DGKB: variants seen among roughly 807,000 people sequenced by gnomAD.
DGKB encodes the protein 90 kDa diacylglycerol kinase.
Under a neutral mutation model 114.3 loss-of-function variants are expected in DGKB, and 67 were observed. That is an observed-to-expected ratio of 0.59 (90% CI 0.48 to 0.72). The LOEUF (loss-of-function observed/expected upper bound fraction) is 0.72, where lower values mean the gene tolerates loss of function less well. DGKB is among the 30% of genes least tolerant of loss of function. The probability of loss-of-function intolerance (pLI) is 0.00; values close to 1 mark genes in which losing one functional copy is unlikely to be tolerated. For missense variants in DGKB, 907 were observed against 975.2 expected, an observed-to-expected ratio of 0.93 and a Z score of 0.93; for synonymous variants, 398 against 323.1, an observed-to-expected ratio of 1.23 and a Z score of -2.49.
chr7:14,175,567 A>T (rs542511268), intron 25 of DGKB, among the ~76,000 whole-genome samples: 1 of 152,150 alleles, frequency 6.6e-6, no homozygotes, highest in Non-Finnish European at 1.5e-5. Flanking sequence ...GGATAGACCA[A>T]TCTCTCAGTT....
At chr7:14,705,019 C>T (rs933601183) in intron 6 of DGKB, among the ~76,000 whole-genome samples, 4 of 150,554 alleles carry the variant, frequency 2.7e-5, no homozygotes, top group Non-Finnish European at 4.5e-5. Flanking sequence ...TCAAATTACT[C>T]TGAGCTACGG....
chr7:14,401,744 C>T (rs1823135579), intron 21 of DGKB, among the ~76,000 whole-genome samples: 1 of 151,582 alleles, frequency 6.6e-6, no homozygotes, highest in Non-Finnish European at 1.5e-5. Flanking sequence ...TATAGTTAAC[C>T]AATTCACCCT....
intron 1 of DGKB, among the ~76,000 whole-genome samples, chr7:14,929,724 A>G (rs942003894): frequency 6.6e-6 from 1 of 152,004 alleles, no homozygotes; most frequent in African/African-American, 2.4e-5. Flanking sequence ...TGTTTAATTT[A>G]CTTAAGTCCC....
intron 5 of DGKB, among the ~76,000 whole-genome samples, chr7:14,729,123 CTTTTTTTTTT>C (rs1162368398): frequency 1.6e-4 from 18 of 113,374 alleles, no homozygotes; most frequent in African/African-American, 5.1e-4. Context: ...CATTTTCTTT[CTTTTTTTTTT>C]TTTTTTTTTG....
At chr7:14,503,573 A>C (rs1039640851) in intron 20 of DGKB, among the ~76,000 whole-genome samples, 1 of 152,150 alleles carries the variant, frequency 6.6e-6, no homozygotes, top group Admixed American at 6.6e-5. Flanking sequence ...AGTGGTTTTA[A>C]AAAATTGTAG....
At chr7:14,402,473 G>A (rs1486360464) in intron 21 of DGKB, among the ~76,000 whole-genome samples, 1 of 151,616 alleles carries the variant, frequency 6.6e-6, no homozygotes, top group Admixed American at 6.6e-5. Flanking sequence ...TACAATTTAG[G>A]AATTGCATAT....
intron 13 of DGKB, among the ~76,000 whole-genome samples, chr7:14,671,797 A>G (rs1005764837): frequency 3.3e-5 from 5 of 152,158 alleles, no homozygotes; most frequent in Non-Finnish European, 4.4e-5. Flanking sequence ...AAATAATACA[A>G]AAATTCTAGA....
chr7:14,742,391 T>G (rs2128414546), intron 4 of DGKB, among the ~76,000 whole-genome samples: 1 of 152,358 alleles, frequency 6.6e-6, no homozygotes, highest in Middle Eastern at 3.4e-3. Flanking sequence ...TTAGATCAAA[T>G]ATTTTTTCAA....
At chr7:14,608,967 T>C (rs778108726) in intron 16 of DGKB, among the ~76,000 whole-genome samples, 3 of 151,982 alleles carry the variant, frequency 2.0e-5, no homozygotes, top group Non-Finnish European at 2.9e-5. Context: ...AGAATCACTA[T>C]CGTTAAATGG....
At chr7:14,164,723 G>T (rs2128228273) in intron 25 of DGKB, among the ~76,000 whole-genome samples, 2 of 152,168 alleles carry the variant, frequency 1.3e-5, no homozygotes, top group Admixed American at 6.5e-5. Context: ...GTCAAATACT[G>T]TCCCACTGTA....
At chr7:14,854,040 T>C (rs891060567) in intron 1 of DGKB, among the ~76,000 whole-genome samples, 2 of 152,210 alleles carry the variant, frequency 1.3e-5, no homozygotes, top group African/African-American at 2.4e-5. Flanking sequence ...CTTTATTTCA[T>C]TATCTGCGGT....
At chr7:14,715,748 T>C (rs1268613294) in intron 6 of DGKB, among the ~76,000 whole-genome samples, 1 of 152,166 alleles carries the variant, frequency 6.6e-6, no homozygotes, top group Non-Finnish European at 1.5e-5. Flanking sequence ...TACAGAGGGT[T>C]CTCGAATAAC....
chr7:14,227,445 A>T (rs974784576), intron 23 of DGKB, among the ~76,000 whole-genome samples: 4 of 152,088 alleles, frequency 2.6e-5, no homozygotes, highest in African/African-American at 4.8e-5. Flanking sequence ...AGCCAATGCA[A>T]ATGAAAAGAA....
intron 2 of DGKB, among the ~76,000 whole-genome samples, chr7:14,770,154 T>C (rs1586369640): frequency 6.6e-6 from 1 of 152,052 alleles, no homozygotes; most frequent in Non-Finnish European, 1.5e-5. Context: ...GGTATGTTCA[T>C]TTAGGGCCTC....
intron 15 of DGKB, 144 bp downstream of exon 15, chr7:14,621,234 T>A: frequency 1.7e-6 from 1 of 577,386 alleles, no homozygotes; most frequent in Non-Finnish European, 3.0e-6. Context: ...GACATCTTGA[T>A]AAATTAATAA....
intron 23 of DGKB, among the ~76,000 whole-genome samples, chr7:14,303,370 C>T (rs1329898929): frequency 6.6e-6 from 1 of 152,018 alleles, no homozygotes; most frequent in East Asian, 1.9e-4. Flanking sequence ...GAATGTTTCA[C>T]CTAAAGCCAT....
chr7:14,549,225 A>G (rs1351372663), intron 20 of DGKB, among the ~76,000 whole-genome samples: 3 of 152,246 alleles, frequency 2.0e-5, no homozygotes, highest in East Asian at 3.9e-4. Flanking sequence ...AAACACTCAG[A>G]AAGATGGTAC....
chr7:14,769,214 A>AAAAGAGAG (rs1836991857), intron 2 of DGKB, among the ~76,000 whole-genome samples: 1 of 135,162 alleles, frequency 7.4e-6, no homozygotes, highest in Non-Finnish European at 1.6e-5. Context: ...AAAGGAAAGA[A>AAAAGAGAG]AGAGAAAGAG....
chr7:14,588,626 G>T (rs940717257), intron 17 of DGKB, among the ~76,000 whole-genome samples: 1 of 151,902 alleles, frequency 6.6e-6, no homozygotes, highest in African/African-American at 2.4e-5. Context: ...CTGTAGTGGA[G>T]CACTTTTTTT....
Sources: gnomAD v4.1 joint callset for allele counts (sites outside exome capture counted in the v4.1 genomes callset) on GRCh38, gnomAD v4.1.1 for gene constraint, MANE v1.5 for transcripts, NCBI Gene and HGNC (gene_info 2026-07-23, HGNC 2026-07-21) for gene names.